The following AOPEP variants were observed in gnomAD, a reference collection of about 807,000 sequenced individuals.
AOPEP encodes aminopeptidase O.
AOPEP carries 77 observed loss-of-function variants against 98.1 expected under a neutral mutation model. The observed-to-expected ratio is 0.78, with a 90% CI of 0.65 to 0.95. The LOEUF is 0.95. Among genes scored for constraint, AOPEP ranks in the 40% least tolerant of loss-of-function variants. The pLI, the probability that AOPEP is intolerant of heterozygous loss-of-function variation, is 0.00. For missense variants in AOPEP, 1,024 were observed against 1,024.7 expected (o/e 1.00, Z 0.01); for synonymous variants, 346 against 365.3 (o/e 0.95, Z 0.60).
intron 7 of AOPEP, among the ~76,000 whole-genome samples, chr9:94,935,986 C>T (rs2056213837): frequency 6.6e-6 from 1 of 152,206 alleles, no homozygotes; most frequent in Non-Finnish European, 1.5e-5. Context: ...TCACTCCTTC[C>T]CTGGGAGCCA....
At chr9:94,985,313 T>C (rs1816075619) in intron 11 of AOPEP, among the ~76,000 whole-genome samples, 1 of 152,252 alleles carries the variant, frequency 6.6e-6, no homozygotes, top group Admixed American at 6.5e-5. Flanking sequence ...ACCTGCAAGT[T>C]GCCAGAGGCT....
intron 10 of AOPEP, among the ~76,000 whole-genome samples, chr9:94,971,538 C>G (rs1189150998): frequency 1.3e-5 from 2 of 152,186 alleles, no homozygotes; most frequent in Admixed American, 1.3e-4. Flanking sequence ...CCCGGAGCCT[C>G]TAATCTTTGG....
intron 7 of AOPEP, among the ~76,000 whole-genome samples, chr9:94,952,041 G>A (rs72750336): frequency 3.1e-3 from 467 of 152,338 alleles, no homozygotes; most frequent in Non-Finnish European, 5.3e-3. Context: ...AAGTGGCAAG[G>A]AAGAAGGCAA....
At chr9:95,025,189 T>C (rs1284087082) in intron 13 of AOPEP, among the ~76,000 whole-genome samples, 1 of 152,240 alleles carries the variant, frequency 6.6e-6, no homozygotes, top group Non-Finnish European at 1.5e-5. Flanking sequence ...TGTCATGGTC[T>C]TATGGCTGGG....
the AOPEP span, among the ~76,000 whole-genome samples, chr9:95,143,442 G>C: frequency 6.6e-6 from 1 of 152,146 alleles, no homozygotes; most frequent in South Asian, 2.1e-4. Flanking sequence ...GCTATCTGGG[G>C]GCCCACCAGG....
chr9:95,139,069 T>C, the AOPEP span, among the ~76,000 whole-genome samples: 1 of 152,230 alleles, frequency 6.6e-6, no homozygotes, highest in African/African-American at 2.4e-5. Flanking sequence ...CATCTTGATA[T>C]GCTTGCTTAA....
intron 13 of AOPEP, among the ~76,000 whole-genome samples, chr9:95,026,691 C>T (rs985538419): frequency 3.3e-5 from 5 of 152,100 alleles, no homozygotes; most frequent in South Asian, 2.1e-4. Context: ...TACCTCTCTC[C>T]GATAGATGAC....
chr9:94,811,460 C>T (rs1442674709), intron 5 of AOPEP, among the ~76,000 whole-genome samples: 1 of 152,164 alleles, frequency 6.6e-6, no homozygotes, highest in African/African-American at 2.4e-5. Context: ...CTTGGCCTTT[C>T]CCTCCCTGCC....
chr9:94,833,345 C>G (rs1487958629), intron 5 of AOPEP, among the ~76,000 whole-genome samples: 1 of 142,242 alleles, frequency 7.0e-6, no homozygotes, highest in Admixed American at 7.6e-5. Context: ...TCAAGTGATT[C>G]TCCTGCCTCA....
At chr9:94,852,723 G>A (rs1564259570) in intron 5 of AOPEP, among the ~76,000 whole-genome samples, 1 of 152,156 alleles carries the variant, frequency 6.6e-6, no homozygotes, top group Non-Finnish European at 1.5e-5. Context: ...TTATTCTTAC[G>A]TATTTTATTA....
rs73654301 is a variant in AOPEP, at chr9:94,854,180, G to A, written c.1364+53178G>A. Among the ~76,000 whole-genome samples, 1,270 of 152,260 alleles carry A rather than the reference G, an allele frequency of 8.3e-3. 8 individuals carry two copies. Among genetic ancestry groups the A allele is most frequent in the African/African-American group, 0.029 (1,212 of 41,552 alleles). On this transcript the variant is annotated intron_variant, in intron 5 of 16. Coordinates refer to ENST00000375315, the MANE Select transcript of AOPEP (RefSeq NM_001193329.3). ...GAAGTTGCATTAGAATATGGTGGAC[G>A]GCAGTATTTTATTTTCAGAGAGCAG...
At chr9:94,992,184 G>A (rs1045942100) in intron 11 of AOPEP, among the ~76,000 whole-genome samples, 3 of 152,218 alleles carry the variant, frequency 2.0e-5, no homozygotes, top group Non-Finnish European at 2.9e-5. Context: ...CAGGGTAACT[G>A]TCAATGATTG....
intron 5 of AOPEP, among the ~76,000 whole-genome samples, chr9:94,813,232 A>T (rs544460519): frequency 1.3e-5 from 2 of 152,200 alleles, no homozygotes; most frequent in Non-Finnish European, 2.9e-5. Flanking sequence ...AGGGAGGGGT[A>T]AGATGTGATT....
the AOPEP span, among the ~76,000 whole-genome samples, chr9:95,127,664 G>A: frequency 6.6e-6 from 1 of 152,218 alleles, no homozygotes; most frequent in Non-Finnish European, 1.5e-5. Context: ...TCAAGTCAGA[G>A]TGCATTTGAT....
At chr9:94,929,312 C>T (rs956309556) in intron 7 of AOPEP, among the ~76,000 whole-genome samples, 1 of 152,212 alleles carries the variant, frequency 6.6e-6, no homozygotes, top group Admixed American at 6.5e-5. Context: ...GCCCTGAAGG[C>T]CCATCTACTT....
At chr9:95,147,350 C>G in the AOPEP span, among the ~76,000 whole-genome samples, 1 of 152,122 alleles carries the variant, frequency 6.6e-6, no homozygotes, top group East Asian at 1.9e-4. Context: ...AACCCTGTCT[C>G]TACTAAAAAC....
At chr9:94,974,838 C>A (rs1422395658) in intron 10 of AOPEP, among the ~76,000 whole-genome samples, 1 of 152,212 alleles carries the variant, frequency 6.6e-6, no homozygotes, top group Non-Finnish European at 1.5e-5. Context: ...TAGCCACGCA[C>A]CAAAGGTTCA....
Position 95,085,593 on chromosome 9 carries a change from G to A in AOPEP, c.*5-1089G>A, listed in dbSNP as rs1362309321. 7.0e-6 allele frequency: 3 copies of A among 425,968 alleles called. No homozygotes were observed. In the East Asian group the frequency reaches 1.9e-4, roughly 28 times the overall value. The allele number at this position is 425,968 out of a possible 1,614,324, so 26.4% of individuals were successfully genotyped here. On this transcript the variant is annotated intron_variant, in intron 16 of 16. Coordinates refer to ENST00000375315, the MANE Select transcript of AOPEP (RefSeq NM_001193329.3). ...CTGGGGCAGAGGCCGTTGCTGACGG[G>A]CCGGCCGCTGCTGCACAGTCAGCTT...
intron 10 of AOPEP, among the ~76,000 whole-genome samples, chr9:94,969,593 G>T (rs1377590001): frequency 6.6e-6 from 1 of 152,008 alleles, no homozygotes; most frequent in African/African-American, 2.4e-5. Context: ...ATTTTTAGTA[G>T]AGATGGGGTT....
Sources: allele counts gnomAD v4.1 joint callset (sites outside exome capture counted in the v4.1 genomes callset), GRCh38; gene constraint gnomAD v4.1.1; transcripts MANE v1.5; gene names NCBI Gene and HGNC (gene_info 2026-07-23, HGNC 2026-07-21).